STAT6: variants seen among roughly 807,000 people sequenced by gnomAD.
STAT6 encodes the protein signal transducer and activator of transcription 6, also known as STAT, interleukin4-induced.
Under a neutral mutation model 106.3 loss-of-function variants are expected in STAT6, and 45 were observed. The ratio of observed to expected loss-of-function variants is 0.42; its 90% CI spans 0.33 to 0.54. The LOEUF (loss-of-function observed/expected upper bound fraction) is 0.54. Ranked by LOEUF, STAT6 falls within the 20% of genes least tolerant of loss-of-function variation. The probability of loss-of-function intolerance (pLI) is 0.06; values close to 1 mark genes in which losing one functional copy is unlikely to be tolerated. For synonymous variants in STAT6, 413 were observed against 413.6 expected (o/e 1.00, Z 0.02); for missense variants, 797 against 1,062.2 (o/e 0.75, Z 3.47).
chr12:57,101,453 C>T (rs557572823), intron 13 of STAT6, among the ~76,000 whole-genome samples: 154 of 148,888 alleles, frequency 1.0e-3, no homozygotes, highest in Non-Finnish European at 2.0e-3. Context: ...ATCTTCCCTG[C>T]AGCCTCTACC....
intron 1 of STAT6, among the ~76,000 whole-genome samples, chr12:57,109,359 CTT>C (rs1034779521): frequency 6.6e-6 from 1 of 152,172 alleles, no homozygotes; most frequent in African/African-American, 2.4e-5. Flanking sequence ...CCTCACGACA[CTT>C]TTTAAAATAT....
chr12:57,104,862 G>A (rs751663029), intron 9 of STAT6, 49 bp from the exon 10 acceptor site: 13 of 1,595,004 alleles, frequency 8.2e-6, no homozygotes, highest in Non-Finnish European at 6.9e-6. Context: ...CTGTCGTCAG[G>A]TGTGGCGAGT....
chr12:57,100,744 AAG>A (rs771528955), intron 13 of STAT6: 3 of 265,812 alleles, frequency 1.1e-5, no homozygotes, highest in South Asian at 2.9e-5. Flanking sequence ...GAAAGAAAGA[AAG>A]AAAAGAAAAA....
intron 11 of STAT6, 94 bp downstream of exon 11, chr12:57,104,370 G>A: frequency 6.7e-7 from 1 of 1,499,468 alleles, no homozygotes; most frequent in Non-Finnish European, 9.0e-7. Flanking sequence ...GGGGTATGGG[G>A]CAGTCACAAG....
At chr12:57,098,467 T>C in intron 19 of STAT6, 38 bp downstream of exon 19, 1 of 1,593,546 alleles carries the variant, frequency 6.3e-7, no homozygotes, top group South Asian at 1.1e-5. Context: ...CCCACCCCCT[T>C]AGAGTGGGAT....
At chr12:57,102,267 G>A (rs1425714208) in intron 13 of STAT6, 23 bp downstream of exon 13, 2 of 1,613,102 alleles carry the variant, frequency 1.2e-6, no homozygotes, top group East Asian at 2.2e-5. Context: ...GGGGGTGGGA[G>A]GTCCAAAGGG....
chr12:57,099,221 G>A lies in STAT6; in HGVS notation c.1891+73C>T. On this transcript the variant is annotated intron_variant, in intron 16 of 21. Transcript: ENST00000300134. The surrounding 1 kb of genome is among the most constrained non-coding windows in gnomAD (Gnocchi z 4.7). ...TGACATCAGGATGACACGCGGGCAG[G>A]GAGAGGAGGGCAGCGGGGAGCAGGG... 2 of 1,604,604 alleles carry A rather than the reference G, an allele frequency of 1.2e-6. No individual in the cohort carries two copies. The highest frequency in any genetic ancestry group is 1.7e-6 in the Non-Finnish European group (2 of 1,172,234).
At chr12:57,101,101 T>C (rs907379870) in intron 13 of STAT6, among the ~76,000 whole-genome samples, 1 of 152,020 alleles carries the variant, frequency 6.6e-6, no homozygotes, top group African/African-American at 2.4e-5. Flanking sequence ...TTCTTTCTTT[T>C]TTTTTTTAGA....
Position 57,097,152 on chromosome 12 carries a change from C to G in STAT6, c.2160-19G>C, listed in dbSNP as rs754099959. On this transcript the variant is annotated intron_variant, in intron 19 of 21. Coordinates refer to ENST00000300134, the MANE Select transcript of STAT6 (RefSeq NM_003153.5). ...GTGAGGCCTGGAAGTAGGGAGAGCA[C>G]AGTTAGAGGAAGGCAGGCTAGGCAA... is the stretch of plus-strand genomic sequence containing the variant. 5 of 1,502,608 alleles carry G rather than the reference C, an allele frequency of 3.3e-6. No homozygotes were observed. The highest frequency in any genetic ancestry group is 4.4e-6 in the Non-Finnish European group (5 of 1,126,372). 93.1% of individuals were successfully genotyped at this position (1,502,608 alleles called of 1,614,324 possible).
intron 13 of STAT6, chr12:57,100,723 AAAGAAAGAAAGAAAG>A: frequency 6.0e-6 from 1 of 167,650 alleles, no homozygotes; most frequent in Non-Finnish European, 1.3e-5. Context: ...AGAAAGAAAG[AAAGAAAGAAAGAAAG>A]AAAGAAAGAA....
chr12:57,105,894 G>C (rs983426872), intron 7 of STAT6: 9 of 637,852 alleles, frequency 1.4e-5, no homozygotes, highest in Non-Finnish European at 2.3e-5. Context: ...TGGCAAATTG[G>C]AAAGTGTTCC....
chr12:57,100,632 GAGAAAGAGAAAGAAAGAA>G (rs1280837557), intron 13 of STAT6, among the ~76,000 whole-genome samples: 5 of 114,518 alleles, frequency 4.4e-5, no homozygotes, highest in South Asian at 3.0e-4. Context: ...AAGAGAGAAA[GAGAAAGAGAAAGAAAGAA>G]AGAAAGAAAG....
Position 57,099,718 on chromosome 12 carries a change from C to T in STAT6, c.1744+49G>A, listed in dbSNP as rs2033691701. 2 of 1,610,428 alleles carry T rather than the reference C, an allele frequency of 1.2e-6. No homozygotes were observed. The highest frequency in any genetic ancestry group is 1.7e-6 in the Non-Finnish European group (2 of 1,177,908). On this transcript the variant is annotated intron_variant, in intron 15 of 21. Coordinates refer to ENST00000300134, the MANE Select transcript of STAT6 (RefSeq NM_003153.5). The surrounding 1 kb of genome is among the most constrained non-coding windows in gnomAD (Gnocchi z 4.7). The stretch of plus-strand genomic sequence containing the variant: ...AGGACATTTCATTCCCAGAAGAAAC[C>T]CCAGAGGGCACAGGCACAGAGACAG...
intron 5 of STAT6, 46 bp downstream of exon 5, chr12:57,106,647 G>C: frequency 6.2e-7 from 1 of 1,613,362 alleles, no homozygotes; most frequent in Non-Finnish European, 8.5e-7. Context: ...TGAGATCCAA[G>C]AGGCAACCAC....
intron 18 of STAT6, 85 bp downstream of exon 18, chr12:57,098,707 C>T: frequency 6.4e-7 from 1 of 1,555,716 alleles, no homozygotes; most frequent in Non-Finnish European, 8.8e-7. Flanking sequence ...CTGTTCAGCC[C>T]CCAGTGCCAG....
At position 57,105,309 on chromosome 12, in the gene STAT6, C is replaced by CT; in HGVS notation, c.842dup (p.Val282GlyfsTer91). The CT allele has an allele frequency of 1.2e-6, 2 of 1,614,120 alleles. No individual in the cohort carries two copies. The highest frequency in any genetic ancestry group is 1.7e-6 in the Non-Finnish European group (2 of 1,179,982). On this transcript the variant is annotated frameshift_variant, in exon 9 of 22. Coordinates refer to ENST00000300134, the MANE Select transcript of STAT6 (RefSeq NM_003153.5). LOFTEE classifies it high-confidence loss of function. ...GGAACTTGGTCTGAGTCTTCAGTAC[C>CT]TGGGGGGGCTGCTTCTCCACCAGGA...
At position 57,099,737 on chromosome 12, in the gene STAT6, G is replaced by A; in HGVS notation, c.1744+30C>T. On this transcript the variant is annotated intron_variant, in intron 15 of 21. Coordinates refer to ENST00000300134, the MANE Select transcript of STAT6 (RefSeq NM_003153.5). The surrounding 1 kb of genome is among the most constrained non-coding windows in gnomAD (Gnocchi z 4.7). ...AGAAACCCCAGAGGGCACAGGCACA[G>A]AGACAGAGGACTGGCTGGGGTGGCC... 6 of 1,613,630 alleles carry A rather than the reference G, an allele frequency of 3.7e-6. No individual in the cohort carries two copies. The highest frequency in any genetic ancestry group is 4.2e-6 in the Non-Finnish European group (5 of 1,179,806).
intron 1 of STAT6, among the ~76,000 whole-genome samples, chr12:57,108,951 C>A (rs566729659): frequency 1.3e-5 from 2 of 152,166 alleles, no homozygotes; most frequent in Non-Finnish European, 2.9e-5. Context: ...GTAATCCCAG[C>A]GCTTTGGGAG....
chr12:57,100,745 A>G (rs887932156), intron 13 of STAT6: 6 of 259,930 alleles, frequency 2.3e-5, no homozygotes, highest in Non-Finnish European at 4.7e-5. Flanking sequence ...AAAGAAAGAA[A>G]GAAAAGAAAA....
Sources: gnomAD v4.1 joint callset for allele counts (sites outside exome capture counted in the v4.1 genomes callset) on GRCh38, gnomAD v4.1.1 for gene constraint, Gnocchi (gnomAD v3.1) non-coding constraint, MANE v1.5 for transcripts, NCBI Gene and HGNC (gene_info 2026-07-23, HGNC 2026-07-21) for gene names.